RALYL: variants seen among roughly 807,000 people sequenced by gnomAD.
The protein encoded by RALYL is RALY RNA binding protein like.
RALYL carries 29 observed loss-of-function variants against 35.1 expected under a neutral mutation model. That is an observed-to-expected ratio of 0.83 (90% CI 0.61 to 1.13). The LOEUF is 1.13. RALYL is among the 50% of genes most tolerant of loss of function. The pLI, the probability that RALYL is intolerant of heterozygous loss-of-function variation, is 0.00. For synonymous variants in RALYL, 120 were observed against 127.6 expected (o/e 0.94, Z 0.40); for missense variants, 359 against 360.4 (o/e 1.00, Z 0.03).
chr8:84,495,268 T>C (rs181797844), intron 1 of RALYL, among the ~76,000 whole-genome samples: 8 of 152,226 alleles, frequency 5.3e-5, no homozygotes, highest in African/African-American at 1.9e-4. Flanking sequence ...AATTAGCATA[T>C]GGTGCATAGT....
chr8:84,621,318 G>GTAT (rs1564257646), intron 2 of RALYL, among the ~76,000 whole-genome samples: 1 of 152,140 alleles, frequency 6.6e-6, no homozygotes, highest in African/African-American at 2.4e-5. Flanking sequence ...TTTTAAGCCC[G>GTAT]TCGGAAAAGC....
chr8:84,892,034 T>C (rs1473400653), intron 8 of RALYL, among the ~76,000 whole-genome samples: 2 of 152,140 alleles, frequency 1.3e-5, no homozygotes, highest in South Asian at 4.1e-4. Context: ...TTCAACAAAA[T>C]GAGCTAGTAG....
chr8:84,233,342 GA>G (rs1409341132), intron 1 of RALYL, among the ~76,000 whole-genome samples: 3 of 151,934 alleles, frequency 2.0e-5, no homozygotes, highest in East Asian at 1.9e-4. Context: ...CATTTTGTAG[GA>G]AAAAAATCTG....
chr8:84,873,581 T>G (rs1840614648), intron 7 of RALYL, among the ~76,000 whole-genome samples, 184 bp downstream of exon 7: 1 of 152,122 alleles, frequency 6.6e-6, no homozygotes, highest in South Asian at 2.1e-4. Context: ...TTAGAGAACA[T>G]GAACTAATTT....
rs1229187581 is a variant in RALYL at position 84,655,339 on chromosome 8, GT to G, written c.257-119233del. On this transcript the variant is annotated intron_variant, in intron 2 of 8. Transcript: ENST00000521268. Reference sequence around the variant, plus strand: ...TTGTTTTGTTTTGTTTTTTGTTGTTGTTTTTTTGAGTCAGAGTCTCCCTCTG... The same window carrying G: ...TTGTTTTGTTTTGTTTTTTGTTGTTGTTTTTTGAGTCAGAGTCTCCCTCTG... 2.0e-5 allele frequency among the ~76,000 whole-genome samples: 3 copies of G among 150,634 alleles called. No homozygotes were observed. The East Asian group carries it at 5.9e-4, about 29-fold the overall frequency.
chr8:84,430,527 C>A (rs2047032561), intron 1 of RALYL, among the ~76,000 whole-genome samples: 1 of 152,004 alleles, frequency 6.6e-6, no homozygotes, highest in Non-Finnish European at 1.5e-5. Flanking sequence ...CCATCTGAGA[C>A]CTAGCTTTAT....
chr8:84,432,274 T>A (rs891676057), intron 1 of RALYL, among the ~76,000 whole-genome samples: 2 of 152,004 alleles, frequency 1.3e-5, no homozygotes, highest in Admixed American at 6.6e-5. Context: ...AAATAATCCA[T>A]GCAAAGAAAA....
chr8:84,889,985 T>A (rs1417105811), intron 8 of RALYL, among the ~76,000 whole-genome samples: 2 of 152,206 alleles, frequency 1.3e-5, no homozygotes, highest in African/African-American at 4.8e-5. Context: ...TTGCTTCAAC[T>A]CTTGCCTCAT....
chr8:84,662,007 CAT>C (rs1831036061), intron 2 of RALYL, among the ~76,000 whole-genome samples: 1 of 151,410 alleles, frequency 6.6e-6, no homozygotes, highest in Non-Finnish European at 1.5e-5. Context: ...TAGCTTTTCT[CAT>C]AATCTTTAAA....
chr8:84,223,237 CCTTCCCTTCCTTCT>C (rs1163747381), intron 1 of RALYL, among the ~76,000 whole-genome samples: 15 of 103,382 alleles, frequency 1.5e-4, no homozygotes, highest in African/African-American at 4.9e-4. Context: ...CCTTCCCTTC[CCTTCCCTTCCTTCT>C]TTCCTTCATG....
intron 1 of RALYL, among the ~76,000 whole-genome samples, chr8:84,241,309 C>A (rs1827817379): frequency 1.3e-5 from 2 of 152,024 alleles, no homozygotes; most frequent in South Asian, 4.1e-4. Context: ...GATTATCCTG[C>A]TTGTTTCTAT....
chr8:84,485,785 G>A lies in RALYL; in HGVS notation c.-23-43514G>A, dbSNP rs559698244. Among the ~76,000 whole-genome samples, 131 of 152,152 alleles carry A rather than the reference G, an allele frequency of 8.6e-4. 1 individual carries two copies. Among genetic ancestry groups the A allele is most frequent in the Non-Finnish European group, 1.5e-3 (99 of 68,008 alleles). On this transcript the variant is annotated intron_variant, in intron 1 of 8. Coordinates refer to ENST00000521268, the MANE Select transcript of RALYL (RefSeq NM_173848.7). ...ATTCAAAATATATCCAGAATATGAA[G>A]CCTCTTCTCACGACACCCTCTGTTG... is the stretch of plus-strand genomic sequence containing the variant.
rs1811776234 is a variant in RALYL, at chr8:84,183,636, TTTTTTGTTTTTTTTG to T, written c.-797_-783del. 1 of 152,370 alleles carries T rather than the reference TTTTTTGTTTTTTTTG, an allele frequency of 6.6e-6. No individual in the cohort carries two copies. The highest frequency in any genetic ancestry group is 6.5e-5 in the Admixed American group (1 of 15,268). The allele number at this position is 152,370 out of a possible 1,614,324, so 9.4% of individuals were successfully genotyped here. A position where few individuals can be genotyped will look rare whatever the true frequency, so the allele number is the denominator to read the frequency against. On this transcript the variant is annotated 5_prime_UTR_variant, in exon 1 of 9. Coordinates refer to ENST00000521268, the MANE Select transcript of RALYL (RefSeq NM_173848.7). ...TTCTTTTTTTTGTCCTTTTTTTTGG[TTTTTTGTTTTTTTTG>T]TTTTTGTTTTTTTTCTTTTTTTCCA...
intron 2 of RALYL, among the ~76,000 whole-genome samples, chr8:84,749,316 G>T (rs1358418985): frequency 1.4e-5 from 2 of 142,444 alleles, no homozygotes; most frequent in Admixed American, 6.8e-5. Context: ...TGATATATTT[G>T]CTTGTACCAA....
At chr8:84,412,355 A>G (rs1000698325) in intron 1 of RALYL, among the ~76,000 whole-genome samples, 4 of 151,944 alleles carry the variant, frequency 2.6e-5, no homozygotes, top group African/African-American at 9.7e-5. Flanking sequence ...TAGTAATAAC[A>G]TATTTTCTGA....
At chr8:84,469,520 C>G (rs711020) in intron 1 of RALYL, among the ~76,000 whole-genome samples, 66,123 of 151,866 alleles carry the variant, frequency 0.44, 14,800 homozygotes, top group South Asian at 0.54. Flanking sequence ...CCAGCTGCGT[C>G]CTGGGAGAAC....
chr8:84,461,791 C>T (rs758895873), intron 1 of RALYL, among the ~76,000 whole-genome samples: 1 of 151,634 alleles, frequency 6.6e-6, no homozygotes, highest in Non-Finnish European at 1.5e-5. Flanking sequence ...AACATCTAAG[C>T]AGTAAGATTA....
chr8:84,439,125 G>A (rs141174987), intron 1 of RALYL, among the ~76,000 whole-genome samples: 257 of 152,036 alleles, frequency 1.7e-3, no homozygotes, highest in African/African-American at 5.0e-3. Context: ...TGTAAAAAAT[G>A]ATGTTGGTAG....
chr8:84,501,175 G>A (rs907993175), intron 1 of RALYL, among the ~76,000 whole-genome samples: 5 of 152,140 alleles, frequency 3.3e-5, no homozygotes, highest in Non-Finnish European at 5.9e-5. Context: ...CAGTTCACCA[G>A]GAGGTAGTTC....
Sources: gnomAD v4.1 joint callset for allele counts (sites outside exome capture counted in the v4.1 genomes callset) on GRCh38, gnomAD v4.1.1 for gene constraint, MANE v1.5 for transcripts, NCBI Gene and HGNC (gene_info 2026-07-23, HGNC 2026-07-21) for gene names.